Variants in SH3RF3 observed in about 807,000 individuals in gnomAD.
The protein encoded by SH3RF3 is SH3 domain containing ring finger 3, also known as E3 ubiquitin-protein ligase SH3RF3.
In SH3RF3, 29 loss-of-function variants were observed where a neutral mutation model predicts 66.3. The ratio of observed to expected loss-of-function variants is 0.44; its 90% CI spans 0.33 to 0.60. The LOEUF is 0.60. SH3RF3 is among the 20% of genes least tolerant of loss of function. The pLI is 0.04. For synonymous variants in SH3RF3, 583 were observed against 532.0 expected, an observed-to-expected ratio of 1.10 and a Z score of -1.32; for missense variants, 1,194 against 1,190.9, an observed-to-expected ratio of 1.00 and a Z score of -0.04.
intron 1 of SH3RF3, among the ~76,000 whole-genome samples, chr2:109,198,557 T>A (rs1678561673): frequency 6.6e-6 from 1 of 152,210 alleles, no homozygotes; most frequent in Non-Finnish European, 1.5e-5. Context: ...TGTTTGTTTC[T>A]CATAGTCCTG....
At position 109,371,615 on chromosome 2, in the gene SH3RF3, G is replaced by A. The variant is rs1171473010; in HGVS notation, c.879G>A (p.Val293=). Residue 293 remains valine (V), a synonymous_variant, in exon 3 of 10, where the codon GTG becomes GTA. Transcript: ENST00000309415. ...AGATTCTGACGGTGCTCAGGAGAGT[G>A]GATGAGAACTGGGCGGAAGGCATGC... ...KDEILTVLRR[V]DENWAEGMLG... is the part of the protein sequence containing the mutation. 1.2e-6 allele frequency: 2 copies of A among 1,613,922 alleles called. No homozygotes were observed. Among genetic ancestry groups the A allele is most frequent in the Admixed American group, 3.3e-5 (2 of 60,004 alleles).
At chr2:109,297,112 G>T (rs529787366) in intron 1 of SH3RF3, among the ~76,000 whole-genome samples, 4 of 152,090 alleles carry the variant, frequency 2.6e-5, no homozygotes, top group African/African-American at 9.6e-5. Flanking sequence ...GCCCAATACG[G>T]CTCCACAGAG....
At chr2:109,239,525 A>G (rs1336820546) in intron 1 of SH3RF3, among the ~76,000 whole-genome samples, 2 of 152,162 alleles carry the variant, frequency 1.3e-5, no homozygotes, top group South Asian at 2.1e-4. Context: ...TTGGCCCCAT[A>G]TTTGACTCTG....
intron 1 of SH3RF3, among the ~76,000 whole-genome samples, chr2:109,307,692 C>G (rs1050012482): frequency 3.4e-5 from 5 of 146,848 alleles, no homozygotes; most frequent in African/African-American, 1.3e-4. Flanking sequence ...TTTGCTCTTG[C>G]GATAGTTTAC....
chr2:109,449,554 C>G, intron 8 of SH3RF3, 65 bp downstream of exon 8: 5 of 1,551,828 alleles, frequency 3.2e-6, no homozygotes, highest in Non-Finnish European at 4.4e-6. Context: ...CTTTTTGGCA[C>G]TAGATGGCAG....
intron 1 of SH3RF3, 134 bp downstream of exon 1, chr2:109,130,247 T>A (rs1676657457): frequency 1.1e-6 from 1 of 874,156 alleles, no homozygotes; most frequent in African/African-American, 1.8e-5. Flanking sequence ...CTGTTGCTCT[T>A]CCTCCAACTT....
At chr2:109,219,518 CTG>C (rs968681875) in intron 1 of SH3RF3, among the ~76,000 whole-genome samples, 1 of 152,094 alleles carries the variant, frequency 6.6e-6, no homozygotes, top group Admixed American at 6.5e-5. Flanking sequence ...AAAATTATCT[CTG>C]TTTGCAGATG....
chr2:109,133,175 G>GCACC (rs1676736481), intron 1 of SH3RF3, among the ~76,000 whole-genome samples: 1 of 152,202 alleles, frequency 6.6e-6, no homozygotes, highest in African/African-American at 2.4e-5. Flanking sequence ...TTCTGTGAGG[G>GCACC]TTACAAGGAA....
chr2:109,354,663 A>G (rs1456661600), intron 2 of SH3RF3, among the ~76,000 whole-genome samples: 1 of 152,230 alleles, frequency 6.6e-6, no homozygotes, highest in African/African-American at 2.4e-5. Flanking sequence ...GTGGTGTCAA[A>G]GGGCAGTGTG....
chr2:109,302,616 A>G (rs910387239), intron 1 of SH3RF3, among the ~76,000 whole-genome samples: 1 of 152,194 alleles, frequency 6.6e-6, no homozygotes, highest in Admixed American at 6.5e-5. Context: ...ACTGCTGCGT[A>G]GGGGATTAGC....
intron 1 of SH3RF3, among the ~76,000 whole-genome samples, chr2:109,197,113 G>C (rs1678522578): frequency 6.6e-6 from 1 of 152,214 alleles, no homozygotes. Flanking sequence ...GCTAGTAGAG[G>C]CAGAGGTTGG....
At chr2:109,491,444 C>T (rs1558644017) in intron 9 of SH3RF3, among the ~76,000 whole-genome samples, 3 of 152,196 alleles carry the variant, frequency 2.0e-5, no homozygotes, top group South Asian at 4.1e-4. Context: ...GTATATAGTC[C>T]GTCAGACTGA....
intron 5 of SH3RF3, among the ~76,000 whole-genome samples, chr2:109,420,742 G>A (rs1042623717): frequency 2.6e-5 from 4 of 152,164 alleles, no homozygotes; most frequent in African/African-American, 9.7e-5. Context: ...ACCGCGCCCG[G>A]CCAAACAGGA....
At chr2:109,191,836 A>G (rs562170812) in intron 1 of SH3RF3, among the ~76,000 whole-genome samples, 38 of 152,308 alleles carry the variant, frequency 2.5e-4, no homozygotes, top group African/African-American at 7.5e-4. Flanking sequence ...TTGTGGTTAT[A>G]AAAACAATAA....
chr2:109,152,951 C>G (rs1677257362), intron 1 of SH3RF3, among the ~76,000 whole-genome samples: 1 of 152,202 alleles, frequency 6.6e-6, no homozygotes. Flanking sequence ...CTGGGAAAGG[C>G]AGTACTTTAG....
At chr2:109,440,901 C>T (rs1315128133) in intron 7 of SH3RF3, among the ~76,000 whole-genome samples, 2 of 152,050 alleles carry the variant, frequency 1.3e-5, no homozygotes, top group Non-Finnish European at 2.9e-5. Flanking sequence ...CTAACAGTGC[C>T]CAGAATACAC....
chr2:109,344,740 A>C (rs368396474), intron 1 of SH3RF3, among the ~76,000 whole-genome samples: 3 of 152,262 alleles, frequency 2.0e-5, no homozygotes, highest in African/African-American at 7.2e-5. Context: ...TGCCCAGGCC[A>C]AGGGAAAGGG....
chr2:109,478,753 C>T (rs553499931), intron 8 of SH3RF3, among the ~76,000 whole-genome samples: 5 of 152,244 alleles, frequency 3.3e-5, no homozygotes, highest in Non-Finnish European at 5.9e-5. Flanking sequence ...GGCCATGCGA[C>T]GGGCTTATCA....
At chr2:109,369,838 C>T (rs11677538) in intron 2 of SH3RF3, among the ~76,000 whole-genome samples, 62 of 152,226 alleles carry the variant, frequency 4.1e-4, no homozygotes, top group African/African-American at 1.5e-3. Context: ...TCTTAGACCC[C>T]ACCAGCCTAA....
Sources: gnomAD v4.1 joint callset for allele counts (sites outside exome capture counted in the v4.1 genomes callset) on GRCh38, gnomAD v4.1.1 for gene constraint, MANE v1.5 for transcripts, NCBI Gene and HGNC (gene_info 2026-07-23, HGNC 2026-07-21) for gene names.